The following SASH3 variants were observed in gnomAD, a reference collection of about 807,000 sequenced individuals.
The protein encoded by SASH3 is SAM and SH3 domain containing 3.
In SASH3, 7 loss-of-function variants were observed where a neutral mutation model predicts 26.1. The observed-to-expected ratio is 0.27, with a 90% CI of 0.15 to 0.50. The LOEUF is 0.50. SASH3 is among the 20% of genes least tolerant of loss of function. The pLI is 0.98. For synonymous variants in SASH3, 138 were observed against 136.8 expected (o/e 1.01, Z -0.06); for missense variants, 231 against 318.3 (o/e 0.73, Z 2.09).
chrX:129,784,525 C>T (rs1245135317), intron 1 of SASH3, among the ~76,000 whole-genome samples: 4 of 111,461 alleles, frequency 3.6e-5, no homozygotes, highest in Non-Finnish European at 5.6e-5. Context: ...GCACTGTAGG[C>T]GTACTCGCTC....
intron 1 of SASH3, among the ~76,000 whole-genome samples, chrX:129,782,140 G>A (rs111435345): frequency 8.9e-6 from 1 of 112,450 alleles, no homozygotes; most frequent in Admixed American, 9.4e-5. Context: ...TCTAGCTGTA[G>A]GACCTTGGAC....
chrX:129,788,633 G>A lies in SASH3; in HGVS notation c.300+56G>A, dbSNP rs1927154439. The stretch of plus-strand genomic sequence containing the variant: ...TCCAGGGGGCCTGGGGACCGCTCTG[G>A]CAGAATGTGAGCATGACCACCTCAA... On this transcript the variant is annotated intron_variant, in intron 3 of 7. Transcript: ENST00000356892. 28 of 1,131,506 alleles carry A rather than the reference G, an allele frequency of 2.5e-5. No individual in the cohort carries two copies. In the South Asian group the frequency reaches 3.6e-4, roughly 15 times the overall value. 93.2% of individuals were successfully genotyped at this position (1,131,506 alleles called of 1,213,427 possible). A position where few individuals can be genotyped will look rare whatever the true frequency, so the allele number is the denominator to read the frequency against.
Position 129,793,885 on chromosome X carries a change from G to A in SASH3, c.*53G>A. 1 of 1,081,044 alleles carries A rather than the reference G, an allele frequency of 9.3e-7. No individual in the cohort carries two copies. Among genetic ancestry groups the A allele is most frequent in the Non-Finnish European group, 1.2e-6 (1 of 801,391 alleles). 89.1% of individuals were successfully genotyped at this position (1,081,044 alleles called of 1,213,427 possible). Reference sequence around the variant, plus strand: ...GGACCCAGCTGCAAAGGCTGTAGGAGTGGGCCCAGCCTCCCGTGGTGGCCC... The same window carrying A: ...GGACCCAGCTGCAAAGGCTGTAGGAATGGGCCCAGCCTCCCGTGGTGGCCC... On this transcript the variant is annotated 3_prime_UTR_variant, in exon 8 of 8. Transcript: ENST00000356892.
chrX:129,793,039 C>T lies in SASH3; in HGVS notation c.852C>T (p.Phe284=), dbSNP rs1461828170. ...LLNGYQTLED[F]KELRETHLNE... ...ATGGCTACCAGACACTGGAAGACTT[C>T]AAAGAGCTGCGAGAAACACACCTCA... Residue 284 remains phenylalanine (F), a synonymous_variant, in exon 7 of 8, where the codon TTC becomes TTT. Coordinates refer to ENST00000356892, the MANE Select transcript of SASH3 (RefSeq NM_018990.4). 1.7e-6 allele frequency: 2 copies of T among 1,211,563 alleles called. No homozygotes were observed. The highest frequency in any genetic ancestry group is 2.2e-6 in the Non-Finnish European group (2 of 895,466).
At chrX:129,784,784 C>G (rs1927077937) in intron 1 of SASH3, among the ~76,000 whole-genome samples, 1 of 110,776 alleles carries the variant, frequency 9.0e-6, no homozygotes, top group South Asian at 3.8e-4. Flanking sequence ...TACATGCCCC[C>G]TTTCTCCCAC....
At chrX:129,784,704 T>C (rs1927076639) in intron 1 of SASH3, among the ~76,000 whole-genome samples, 1 of 111,101 alleles carries the variant, frequency 9.0e-6, no homozygotes, top group South Asian at 3.7e-4. Flanking sequence ...AGAGGTTCGA[T>C]AACTTGCCGG....
chrX:129,787,474 C>T (rs2059921116), intron 1 of SASH3, among the ~76,000 whole-genome samples: 1 of 111,611 alleles, frequency 9.0e-6, no homozygotes, highest in African/African-American at 3.3e-5. Context: ...ACAAATTCAT[C>T]AGGCTGGAGA....
At chrX:129,789,109 A>AAAAGAAAGAAAGAAAGAAAGAAAGGAAG (rs1927167263) in intron 3 of SASH3, among the ~76,000 whole-genome samples, 1 of 39,453 alleles carries the variant, frequency 2.5e-5, no homozygotes, top group Non-Finnish European at 4.0e-5. Flanking sequence ...CTCAAAAAAA[A>AAAAGAAAGAAAGAAAGAAAGAAAGGAAG]AAAGAAAGAA....
At chrX:129,790,202 A>G (rs959989198) in intron 3 of SASH3, among the ~76,000 whole-genome samples, 6 of 112,134 alleles carry the variant, frequency 5.4e-5, no homozygotes, top group African/African-American at 1.6e-4. Context: ...ACGTGCATCC[A>G]TAGCATCTTC....
chrX:129,791,788 A>G (rs1423235012), intron 4 of SASH3, among the ~76,000 whole-genome samples: 1 of 112,239 alleles, frequency 8.9e-6, no homozygotes, highest in Non-Finnish European at 1.9e-5. Flanking sequence ...TGTACTTCCC[A>G]GGGAGAAGGA....
At chrX:129,790,023 C>T (rs933187605) in intron 3 of SASH3, among the ~76,000 whole-genome samples, 1 of 111,811 alleles carries the variant, frequency 8.9e-6, no homozygotes, top group Non-Finnish European at 1.9e-5. Context: ...ATTGCTTGAG[C>T]CCAGTAAGAG....
intron 3 of SASH3, 110 bp downstream of exon 3, chrX:129,788,687 T>C: frequency 1.2e-6 from 1 of 803,762 alleles, no homozygotes; most frequent in South Asian, 2.9e-5. Context: ...GAAGGCCCTA[T>C]TTGATGCAAG....
intron 4 of SASH3, among the ~76,000 whole-genome samples, chrX:129,791,347 G>T (rs1927228081): frequency 8.9e-6 from 1 of 112,097 alleles, no homozygotes; most frequent in East Asian, 2.8e-4. Flanking sequence ...GAACTCAGAT[G>T]TACCGTAGAG....
At chrX:129,792,130 G>A (rs1035276780) in intron 4 of SASH3, among the ~76,000 whole-genome samples, 198 bp from the exon 5 acceptor site, 4 of 112,045 alleles carry the variant, frequency 3.6e-5, no homozygotes, top group Non-Finnish European at 7.5e-5. Flanking sequence ...GGGCCCAGAG[G>A]TGAAGCCGTG....
intron 1 of SASH3, among the ~76,000 whole-genome samples, chrX:129,787,270 A>T (rs754953314): frequency 8.9e-6 from 1 of 112,848 alleles, no homozygotes; most frequent in South Asian, 3.6e-4. Context: ...TTGCCAGCTC[A>T]TCACATTAGT....
In SASH3 at chrX:129,783,607, A is replaced by G. The variant is rs1468244719; in HGVS notation, c.57+3453A>G. Among the ~76,000 whole-genome samples, 4 of 112,233 alleles carry G rather than the reference A, an allele frequency of 3.6e-5. No individual in the cohort carries two copies. In the Admixed American group the frequency reaches 3.8e-4, roughly 11 times the overall value. ...GTCTCCTCTGCTTCGAGGTGCGAAT[A>G]TGATGCGGGGCTGCGATGAGGCTGG... On this transcript the variant is annotated intron_variant, in intron 1 of 7. Transcript: ENST00000356892.
chrX:129,789,956 C>T (rs947101877), intron 3 of SASH3, among the ~76,000 whole-genome samples: 8 of 112,191 alleles, frequency 7.1e-5, no homozygotes, highest in African/African-American at 2.3e-4. Context: ...AAAAGGTAAA[C>T]TGGGCATGGT....
chrX:129,781,055 A>G (rs1281381886), intron 1 of SASH3, among the ~76,000 whole-genome samples: 1 of 112,151 alleles, frequency 8.9e-6, no homozygotes, highest in East Asian at 2.8e-4. Flanking sequence ...CTTTAATTCA[A>G]TTGAAGGATT....
chrX:129,788,699 A>G (rs1927155775), intron 3 of SASH3, 122 bp downstream of exon 3: 1 of 728,461 alleles, frequency 1.4e-6, no homozygotes, highest in African/African-American at 2.2e-5. Context: ...TGATGCAAGA[A>G]GGAAGGTCAC....
Sources: gnomAD v4.1 joint callset for allele counts (sites outside exome capture counted in the v4.1 genomes callset) on GRCh38, gnomAD v4.1.1 for gene constraint, MANE v1.5 for transcripts, NCBI Gene and HGNC (gene_info 2026-07-23, HGNC 2026-07-21) for gene names.